NEGR1: variants seen among roughly 807,000 people sequenced by gnomAD.
NEGR1 encodes IgLON family member 4.
Under a neutral mutation model 40.9 loss-of-function variants are expected in NEGR1, and 10 were observed. That is an observed-to-expected ratio of 0.24 (90% CI 0.15 to 0.42). The LOEUF is 0.42. Ranked by LOEUF, NEGR1 falls within the 10% of genes least tolerant of loss-of-function variation. The probability of loss-of-function intolerance (pLI) is 1.00; values close to 1 mark genes in which losing one functional copy is unlikely to be tolerated. For missense variants in NEGR1, 352 were observed against 438.9 expected (o/e 0.80, Z 1.77); for synonymous variants, 185 against 166.8 (o/e 1.11, Z -0.84).
chr1:71,542,264 T>C (rs1304401269), intron 6 of NEGR1, among the ~76,000 whole-genome samples: 1 of 151,708 alleles, frequency 6.6e-6, no homozygotes, highest in South Asian at 2.1e-4. Context: ...AGAACTGCCA[T>C]ACTAAACCTT....
At chr1:71,568,829 CGTGTGTGTGTGTGT>C (rs35692576) in intron 6 of NEGR1, among the ~76,000 whole-genome samples, 2 of 147,530 alleles carry the variant, frequency 1.4e-5, no homozygotes, top group African/African-American at 2.5e-5. Context: ...TATATGTATA[CGTGTGTGTGTGTGT>C]GTGTGTGTGT....
At chr1:72,079,774 A>G (rs1477062990) in intron 1 of NEGR1, among the ~76,000 whole-genome samples, 1 of 152,128 alleles carries the variant, frequency 6.6e-6, no homozygotes, top group Non-Finnish European at 1.5e-5. Context: ...TTCGAATACT[A>G]AAAGATGTTT....
At chr1:71,578,156 T>A (rs1388526272) in intron 6 of NEGR1, among the ~76,000 whole-genome samples, 1 of 152,178 alleles carries the variant, frequency 6.6e-6, no homozygotes, top group African/African-American at 2.4e-5. Flanking sequence ...TTATACTTGC[T>A]GATTAACAGT....
intron 6 of NEGR1, among the ~76,000 whole-genome samples, chr1:71,442,353 G>A (rs1286697433): frequency 6.6e-6 from 1 of 150,710 alleles, no homozygotes; most frequent in Non-Finnish European, 1.5e-5. Context: ...GGTGGCTCAA[G>A]CCTGTAATAC....
At chr1:71,496,704 TTTGA>T in intron 6 of NEGR1, among the ~76,000 whole-genome samples, 1 of 152,198 alleles carries the variant, frequency 6.6e-6, no homozygotes, top group South Asian at 2.1e-4. Context: ...AAACAGGATG[TTTGA>T]TTATCTCTTG....
At chr1:72,242,131 T>C (rs1045685147) in intron 1 of NEGR1, among the ~76,000 whole-genome samples, 2 of 151,798 alleles carry the variant, frequency 1.3e-5, no homozygotes, top group African/African-American at 2.4e-5. Context: ...ATATCCTTGA[T>C]GCTAAATTAT....
At chr1:72,115,913 T>C (rs1455792650) in intron 1 of NEGR1, among the ~76,000 whole-genome samples, 2 of 151,888 alleles carry the variant, frequency 1.3e-5, no homozygotes, top group African/African-American at 4.8e-5. Flanking sequence ...AGAAAGCAAT[T>C]TGGGTTGAAC....
intron 3 of NEGR1, among the ~76,000 whole-genome samples, chr1:71,759,930 A>G (rs1302605437): frequency 6.6e-6 from 1 of 151,928 alleles, no homozygotes; most frequent in East Asian, 1.9e-4. Flanking sequence ...CTTTTAAACA[A>G]ACTCCTAACT....
intron 6 of NEGR1, among the ~76,000 whole-genome samples, chr1:71,587,458 T>C (rs1462146854): frequency 3.6e-5 from 1 of 27,768 alleles, no homozygotes; most frequent in East Asian, 7.6e-4. Flanking sequence ...TTCTCTGATA[T>C]GAAAGGAGAC....
rs184453899 is a variant in NEGR1 at position 72,013,046 on chromosome 1, G to T, written c.177-77735C>A. Among the ~76,000 whole-genome samples, 451 of 151,884 alleles carry T rather than the reference G, an allele frequency of 3.0e-3. 2 individuals carry two copies. The highest frequency in any genetic ancestry group is 0.01 in the African/African-American group (427 of 41,458). On this transcript the variant is annotated intron_variant, in intron 1 of 6. Transcript: ENST00000357731. ...TAGCATGATGGAATAACAGGAGAAT[G>T]ATTATTTAATGTATAGAAGCTTATA...
chr1:71,537,183 G>T (rs995553018), intron 6 of NEGR1, among the ~76,000 whole-genome samples: 21 of 151,738 alleles, frequency 1.4e-4, no homozygotes, highest in African/African-American at 5.1e-4. Flanking sequence ...AGGTAGATAT[G>T]AGCATTAATT....
At chr1:72,139,263 A>G (rs951305660) in intron 1 of NEGR1, among the ~76,000 whole-genome samples, 1 of 151,594 alleles carries the variant, frequency 6.6e-6, no homozygotes. Context: ...GCGAAAAAAA[A>G]AAAAAGAAAC....
intron 4 of NEGR1, among the ~76,000 whole-genome samples, chr1:71,636,060 T>C (rs1346995330): frequency 1.3e-5 from 2 of 152,220 alleles, no homozygotes; most frequent in South Asian, 4.1e-4. Context: ...ATCTATACTA[T>C]ATAGCAATAG....
chr1:71,991,655 A>G (rs779180616), intron 1 of NEGR1, among the ~76,000 whole-genome samples: 1 of 150,722 alleles, frequency 6.6e-6, no homozygotes, highest in Non-Finnish European at 1.5e-5. Flanking sequence ...ATATCTGCTT[A>G]CCTACTTAAT....
intron 4 of NEGR1, among the ~76,000 whole-genome samples, chr1:71,650,598 T>C (rs577674512): frequency 1.3e-5 from 2 of 152,322 alleles, no homozygotes; most frequent in Admixed American, 6.5e-5. Context: ...TTCTCCCTGT[T>C]GTTTGCTCAT....
chr1:72,259,549 T>C (rs77642121), intron 1 of NEGR1, among the ~76,000 whole-genome samples: 8,680 of 152,152 alleles, frequency 0.057, 334 homozygotes, highest in Non-Finnish European at 0.082. Flanking sequence ...AAAAGCTACA[T>C]CTCAAAATCA....
At chr1:72,004,535 C>T (rs1439096568) in intron 1 of NEGR1, among the ~76,000 whole-genome samples, 5 of 152,092 alleles carry the variant, frequency 3.3e-5, no homozygotes, top group Non-Finnish European at 5.9e-5. Flanking sequence ...CTGCCCACCT[C>T]GGCCTCCCAA....
chr1:71,893,966 G>A (rs1392065228), intron 2 of NEGR1, among the ~76,000 whole-genome samples: 47 of 50,788 alleles, frequency 9.3e-4, no homozygotes, highest in African/African-American at 3.1e-3. Context: ...GTAAACTATC[G>A]CAAGAACAAA....
At chr1:71,481,319 C>T (rs1174823271) in intron 6 of NEGR1, among the ~76,000 whole-genome samples, 5 of 151,870 alleles carry the variant, frequency 3.3e-5, no homozygotes, top group Admixed American at 3.3e-4. Context: ...CTTCTATAGA[C>T]AAACACTTTT....
Sources: allele counts gnomAD v4.1 joint callset (sites outside exome capture counted in the v4.1 genomes callset), GRCh38; gene constraint gnomAD v4.1.1; transcripts MANE v1.5; gene names NCBI Gene and HGNC (gene_info 2026-07-23, HGNC 2026-07-21).